Variants in MKNK2 observed in about 807,000 individuals in gnomAD.
MKNK2 encodes MAP kinase-interacting serine/threonine-protein kinase 2.
A neutral mutation model predicts 55.0 loss-of-function variants in MKNK2; 54 were observed. The ratio of observed to expected loss-of-function variants is 0.98; its 90% CI spans 0.79 to 1.23. The LOEUF (loss-of-function observed/expected upper bound fraction) is 1.23. Among genes scored for constraint, MKNK2 ranks in the 50% most tolerant of loss-of-function variants. The pLI, the probability that MKNK2 is intolerant of heterozygous loss-of-function variation, is 0.00. For synonymous variants in MKNK2, 323 were observed against 256.0 expected, an observed-to-expected ratio of 1.26 and a Z score of -2.50; for missense variants, 685 against 632.1, an observed-to-expected ratio of 1.08 and a Z score of -0.90.
chr19:2,038,961 C>A lies in MKNK2; in HGVS notation c.*652G>T. ...ACAGACAGACGGGCCTTGCAGGAAG[C>A]CCCGATTGTCAACTATCATGGGGAC... On this transcript the variant is annotated 3_prime_UTR_variant, in exon 14 of 14. Coordinates refer to ENST00000250896, the MANE Select transcript of MKNK2 (RefSeq NM_199054.3). 1 of 985,894 alleles carries A rather than the reference C, an allele frequency of 1.0e-6. No individual in the cohort carries two copies. The highest frequency in any genetic ancestry group is 1.2e-6 in the Non-Finnish European group (1 of 830,004). 61.1% of individuals were successfully genotyped at this position (985,894 alleles called of 1,614,324 possible).
Position 2,041,825 on chromosome 19 carries a change from C to T in MKNK2, c.945+15G>A, listed in dbSNP as rs1247613468. 3 of 1,498,546 alleles carry T rather than the reference C, an allele frequency of 2.0e-6. No homozygotes were observed. The highest frequency in any genetic ancestry group is 2.6e-5 in the East Asian group (1 of 38,608). The allele number at this position is 1,498,546 out of a possible 1,614,324, so 92.8% of individuals were successfully genotyped here. A position where few individuals can be genotyped will look rare whatever the true frequency, so the allele number is the denominator to read the frequency against. ...GGAGGGTGCCCAGGAGAGGAGGGTGCGCGGGCCGCCGCACCTGGCAGGCAG... is the reference window on the plus strand; with the variant it reads ...GGAGGGTGCCCAGGAGAGGAGGGTGTGCGGGCCGCCGCACCTGGCAGGCAG... On this transcript the variant is annotated intron_variant, in intron 11 of 13. Transcript: ENST00000250896.
At position 2,042,887 on chromosome 19, in the gene MKNK2, A is replaced by C; in HGVS notation, c.494-17T>G. ...GGATGGAGCCTGGGCAGGGCAGGGCAGGGCAGGACAGGGGGAACACGCAGG... is the reference window on the plus strand; with the variant it reads ...GGATGGAGCCTGGGCAGGGCAGGGCCGGGCAGGACAGGGGGAACACGCAGG... On this transcript the variant is annotated splice_polypyrimidine_tract_variant and intron_variant, in intron 7 of 13. Coordinates refer to ENST00000250896, the MANE Select transcript of MKNK2 (RefSeq NM_199054.3). 6.4e-7 allele frequency: 1 copy of C among 1,555,274 alleles called. No individual in the cohort carries two copies. The highest frequency in any genetic ancestry group is 8.7e-7 in the Non-Finnish European group (1 of 1,149,438).
In MKNK2 at chr19:2,038,661, C is replaced by T. The variant is rs943378207; in HGVS notation, c.*952G>A. On this transcript the variant is annotated 3_prime_UTR_variant, in exon 14 of 14. Coordinates refer to ENST00000250896, the MANE Select transcript of MKNK2 (RefSeq NM_199054.3). ...GCTGACGGAGCTTCCAGGTCAGGCCCGAGGGGCGGCGCGAGGCAGGACGTG... is the reference window on the plus strand; with the variant it reads ...GCTGACGGAGCTTCCAGGTCAGGCCTGAGGGGCGGCGCGAGGCAGGACGTG... The T allele has an allele frequency of 4.1e-6, 4 of 985,316 alleles. No individual in the cohort carries two copies. Among genetic ancestry groups the T allele is most frequent in the Admixed American group, 6.1e-5 (1 of 16,262 alleles). The allele number at this position is 985,316 out of a possible 1,614,324, so 61.0% of individuals were successfully genotyped here.
chr19:2,043,206 G>A lies in MKNK2; in HGVS notation c.420-9C>T, dbSNP rs376841753. 3 of 1,607,118 alleles carry A rather than the reference G, an allele frequency of 1.9e-6. No individual in the cohort carries two copies. The South Asian group carries it at 3.3e-5, about 18-fold the overall frequency. On this transcript the variant is annotated splice_polypyrimidine_tract_variant and intron_variant, in intron 6 of 13. Transcript: ENST00000250896. ...TCAGCTCTAGGACGTTCCTGGGGTGGGGGTGGGGGCAGGAGAGGAGCTGAG... is the reference window on the plus strand; with the variant it reads ...TCAGCTCTAGGACGTTCCTGGGGTGAGGGTGGGGGCAGGAGAGGAGCTGAG...
rs1016613222 is a variant in MKNK2, at chr19:2,042,872, T to C, written c.494-2A>G. On this transcript the variant is annotated splice_acceptor_variant, in intron 7 of 13. Coordinates refer to ENST00000250896, the MANE Select transcript of MKNK2 (RefSeq NM_199054.3). LOFTEE classifies it high-confidence loss of function. The stretch of plus-strand genomic sequence containing the variant: ...TGTGGATGTGGCTCAGGATGGAGCC[T>C]GGGCAGGGCAGGGCAGGGCAGGACA... 2 of 1,567,468 alleles carry C rather than the reference T, an allele frequency of 1.3e-6. No homozygotes were observed. Among genetic ancestry groups the C allele is most frequent in the Non-Finnish European group, 1.7e-6 (2 of 1,156,320 alleles).
At position 2,041,150 on chromosome 19, in the gene MKNK2, A is replaced by G. The variant is rs2016871457; in HGVS notation, c.1000T>C (p.Trp334Arg). The G allele has an allele frequency of 1.2e-6, 2 of 1,613,896 alleles. No homozygotes were observed. The highest frequency in any genetic ancestry group is 1.7e-5 in the Admixed American group (1 of 59,990). The change falls in exon 12 of 14, where the codon TGG becomes CGG. Residue 334 changes from tryptophan to arginine, a missense_variant. Transcript: ENST00000250896. ...TTGGCAGCGCAGGAGATGTGGGCCC[A>G]GTCCTTGTCGGGGAACTCGTACTTG... is the stretch of plus-strand genomic sequence containing the variant. Reference protein sequence around the residue: ...EGKYEFPDKDWAHISCAAKDL... With the variant: ...EGKYEFPDKDRAHISCAAKDL...
intron 10 of MKNK2, 76 bp downstream of exon 10, chr19:2,042,351 G>T: frequency 1.5e-6 from 2 of 1,320,436 alleles, no homozygotes; most frequent in Non-Finnish European, 2.1e-6. Flanking sequence ...GGAGCTGCTG[G>T]ATGGCCCAGG....
At chr19:2,043,975 CAAAAAAAA>C (rs34533507) in intron 5 of MKNK2, among the ~76,000 whole-genome samples, 6 of 23,850 alleles carry the variant, frequency 2.5e-4, no homozygotes, top group African/African-American at 7.5e-4. Context: ...GACTTCGCCT[CAAAAAAAA>C]AAAAAAAAAA....
Position 2,046,626 on chromosome 19 carries a change from G to C in MKNK2, c.117C>G (p.Gly39=), listed in dbSNP as rs769209178. 4 of 1,569,466 alleles carry C rather than the reference G, an allele frequency of 2.5e-6. No homozygotes were observed. Among genetic ancestry groups the C allele is most frequent in the Non-Finnish European group, 3.5e-6 (4 of 1,158,414 alleles). The change falls in exon 3 of 14, where the codon GGC becomes GGG. Residue 39 remains glycine (G), a synonymous_variant. Coordinates refer to ENST00000250896, the MANE Select transcript of MKNK2 (RefSeq NM_199054.3). ...CACCAGGGCGGGCTGAGCACTGCAG[G>C]CCAAAGTCAGAGTCTCCGTGGTCGG... is the stretch of plus-strand genomic sequence containing the variant. ...DQPDHGDSDF[G]LQCSARPDMP...
intron 1 of MKNK2, 56 bp from the exon 2 acceptor site, chr19:2,051,003 G>T: frequency 2.3e-6 from 1 of 436,370 alleles, no homozygotes; most frequent in East Asian, 4.0e-5. Flanking sequence ...CCTGCCAGGA[G>T]CGCGGACCGG....
At chr19:2,047,585 G>A (rs1046715038) in intron 2 of MKNK2, among the ~76,000 whole-genome samples, 6 of 152,124 alleles carry the variant, frequency 3.9e-5, no homozygotes, top group African/African-American at 1.2e-4. Context: ...GCGGGGCAGT[G>A]GGAAGGAGGT....
Position 2,038,800 on chromosome 19 carries a change from G to A in MKNK2, c.*813C>T. On this transcript the variant is annotated 3_prime_UTR_variant, in exon 14 of 14. Transcript: ENST00000250896. ...TCCAGCCCCTCTGCCTGCTGCGGTG[G>A]AAACGGCTTCGGGCCAGGCGGGGCT... 2 of 985,712 alleles carry A rather than the reference G, an allele frequency of 2.0e-6. No homozygotes were observed. Among genetic ancestry groups the A allele is most frequent in the Middle Eastern group, 5.2e-4 (1 of 1,914 alleles). The allele number at this position is 985,712 out of a possible 1,614,324, so 61.1% of individuals were successfully genotyped here. A position where few individuals can be genotyped will look rare whatever the true frequency, so the allele number is the denominator to read the frequency against.
At chr19:2,046,796 C>T (rs1016290953) in intron 2 of MKNK2, 105 bp from the exon 3 acceptor site, 8 of 884,170 alleles carry the variant, frequency 9.0e-6, no homozygotes, top group Non-Finnish European at 1.0e-5. Context: ...ACAAGCCCTG[C>T]GCTGAGCATT....
rs2016797728 is a variant in MKNK2 at position 2,038,302 on chromosome 19, G to T, written c.*1311C>A. 9.1e-6 allele frequency: 9 copies of T among 986,798 alleles called. No individual in the cohort carries two copies. The highest frequency in any genetic ancestry group is 1.1e-5 in the Non-Finnish European group (9 of 830,566). The allele number at this position is 986,798 out of a possible 1,614,324, so 61.1% of individuals were successfully genotyped here. On this transcript the variant is annotated 3_prime_UTR_variant, in exon 14 of 14. Coordinates refer to ENST00000250896, the MANE Select transcript of MKNK2 (RefSeq NM_199054.3). The stretch of plus-strand genomic sequence containing the variant: ...AACAGGAGGAAGAATCCCGACCGCG[G>T]ATTTAGAAGCCAGAGGGGCTGCCCC...
chr19:2,042,020 C>T lies in MKNK2; in HGVS notation c.765G>A (p.Glu255=). 6.6e-7 allele frequency: 1 copy of T among 1,507,486 alleles called. No homozygotes were observed. The highest frequency in any genetic ancestry group is 8.9e-7 in the Non-Finnish European group (1 of 1,128,328). 93.4% of individuals were successfully genotyped at this position (1,507,486 alleles called of 1,614,324 possible). A position where few individuals can be genotyped will look rare whatever the true frequency, so the allele number is the denominator to read the frequency against. The part of the protein sequence containing the change: ...PELLTPCGSA[E]YMAPEVVEAF... ...CCTCCACTACCTCCGGGGCCATGTA[C>T]TCCGCCGAGCCGCACTGCGGGCGGG... is the stretch of plus-strand genomic sequence containing the variant. Residue 255 remains glutamate, a synonymous_variant, in exon 11 of 14, where the codon GAG becomes GAA. Transcript: ENST00000250896.
chr19:2,050,183 A>C (rs1437063062), intron 2 of MKNK2, among the ~76,000 whole-genome samples: 1 of 152,144 alleles, frequency 6.6e-6, no homozygotes, highest in Non-Finnish European at 1.5e-5. Context: ...CGGGCTGCGC[A>C]GAAACTTCCC....
At position 2,046,596 on chromosome 19, in the gene MKNK2, C is replaced by G. The variant is rs764898724; in HGVS notation, c.139+8G>C. 2 of 1,562,784 alleles carry G rather than the reference C, an allele frequency of 1.3e-6. No individual in the cohort carries two copies. Among genetic ancestry groups the G allele is most frequent in the Non-Finnish European group, 8.7e-7 (1 of 1,154,494 alleles). ...GCCCTGTGCCCTCCTCCCCCTCGGG[C>G]CCCTCACCAGGGCGGGCTGAGCACT... On this transcript the variant is annotated splice_region_variant and intron_variant, in intron 3 of 13. Transcript: ENST00000250896.
Position 2,050,945 on chromosome 19 carries a change from ACCCTGCGGGCGGGAG to A in MKNK2, c.-96-13_-95del. On this transcript the variant is annotated splice_acceptor_variant and splice_polypyrimidine_tract_variant and 5_prime_UTR_variant and intron_variant, in exon 2 of 14. Coordinates refer to ENST00000250896, the MANE Select transcript of MKNK2 (RefSeq NM_199054.3). LOFTEE classifies it low-confidence loss of function (5UTR_SPLICE). ...CGGGCGGGGGGCGGCCGAGGAGGGG[ACCCTGCGGGCGGGAG>A]CAGACAAAGGGAGGGCGGTGAGCGG... is the stretch of plus-strand genomic sequence containing the variant. 1 of 817,280 alleles carries A rather than the reference ACCCTGCGGGCGGGAG, an allele frequency of 1.2e-6. No individual in the cohort carries two copies. Among genetic ancestry groups the A allele is most frequent in the East Asian group, 3.4e-5 (1 of 29,668 alleles). The allele number at this position is 817,280 out of a possible 1,614,324, so 50.6% of individuals were successfully genotyped here.
intron 8 of MKNK2, 27 bp from the exon 9 acceptor site, chr19:2,042,689 C>T (rs772382243): frequency 2.6e-5 from 41 of 1,556,562 alleles, no homozygotes; most frequent in Admixed American, 7.8e-5. Context: ...AGAACCACGA[C>T]GGGGTGAGGG....
Sources: gnomAD v4.1 joint callset for allele counts (sites outside exome capture counted in the v4.1 genomes callset) on GRCh38, gnomAD v4.1.1 for gene constraint, MANE v1.5 for transcripts, NCBI Gene and HGNC (gene_info 2026-07-23, HGNC 2026-07-21) for gene names.